Variants in RSPRY1 observed in about 807,000 individuals in gnomAD.
RSPRY1 encodes the protein RING finger and SPRY domain-containing protein 1.
A neutral mutation model predicts 73.1 loss-of-function variants in RSPRY1; 23 were observed. The observed-to-expected ratio is 0.31, with a 90% CI of 0.23 to 0.45. The LOEUF (loss-of-function observed/expected upper bound fraction) is 0.45. Ranked by LOEUF, RSPRY1 falls within the 20% of genes least tolerant of loss-of-function variation. The pLI is 1.00. For synonymous variants in RSPRY1, 226 were observed against 251.4 expected (o/e 0.90, Z 0.95); for missense variants, 448 against 698.7 (o/e 0.64, Z 4.05).
At chr16:57,200,688 G>A (rs1265263229) in intron 1 of RSPRY1, among the ~76,000 whole-genome samples, 2 of 129,622 alleles carry the variant, frequency 1.5e-5, no homozygotes, top group African/African-American at 3.0e-5. Flanking sequence ...CCTCCCGGAC[G>A]GGGCGGCTGG....
intron 1 of RSPRY1, among the ~76,000 whole-genome samples, chr16:57,196,171 T>C (rs1199504651): frequency 6.6e-6 from 1 of 152,034 alleles, no homozygotes; most frequent in African/African-American, 2.4e-5. Flanking sequence ...ATTTTGATGC[T>C]TCGTAAGATG....
intron 6 of RSPRY1, among the ~76,000 whole-genome samples, chr16:57,215,377 G>A (rs1266137527): frequency 1.3e-5 from 2 of 152,210 alleles, no homozygotes; most frequent in African/African-American, 4.8e-5. Flanking sequence ...AGCAGGGATG[G>A]TGGTTATGTG....
chr16:57,225,494 C>G (rs563396533), intron 10 of RSPRY1, among the ~76,000 whole-genome samples: 1 of 152,346 alleles, frequency 6.6e-6, no homozygotes, highest in South Asian at 2.1e-4. Flanking sequence ...ATCCAAAAAT[C>G]CAGTACAAAA....
chr16:57,227,284 C>T, intron 10 of RSPRY1, 58 bp from the exon 11 acceptor site: 1 of 1,159,308 alleles, frequency 8.6e-7, no homozygotes, highest in East Asian at 2.4e-5. Context: ...GACACACTCT[C>T]TGTTCCCAGG....
intron 10 of RSPRY1, among the ~76,000 whole-genome samples, chr16:57,223,357 TTAAAA>T (rs2075069453): frequency 6.6e-6 from 1 of 152,270 alleles, no homozygotes; most frequent in African/African-American, 2.4e-5. Flanking sequence ...TGTTAGGTCA[TTAAAA>T]TAAGCTTAAG....
In RSPRY1 at chr16:57,200,951, GGGGGGGGGGGCT is replaced by G. The variant is rs2074576228; in HGVS notation, c.-155-3551_-155-3540del. ...CTCCCAGACGGGGCGGCTGGCCGGG[GGGGGGGGGGGCT>G]GACCCCCCCACCTCCCTCCCGGACG... On this transcript the variant is annotated intron_variant, in intron 1 of 14. Transcript: ENST00000394420. Among the ~76,000 whole-genome samples, 2 of 108,178 alleles carry G rather than the reference GGGGGGGGGGGCT, an allele frequency of 1.8e-5. 1 individual carries two copies. Among genetic ancestry groups the G allele is most frequent in the Non-Finnish European group, 3.9e-5 (2 of 51,894 alleles). 71.0% of individuals were successfully genotyped at this position (108,178 alleles called of 152,430 possible). A position where few individuals can be genotyped will look rare whatever the true frequency, so the allele number is the denominator to read the frequency against.
intron 1 of RSPRY1, among the ~76,000 whole-genome samples, chr16:57,193,708 T>A (rs116308702): frequency 6.6e-6 from 1 of 152,210 alleles, no homozygotes; most frequent in African/African-American, 2.4e-5. Flanking sequence ...GTTCTCTATC[T>A]TGATAGGGTT....
chr16:57,236,579 T>C (rs2075302636), intron 14 of RSPRY1, among the ~76,000 whole-genome samples: 1 of 152,172 alleles, frequency 6.6e-6, no homozygotes, highest in Non-Finnish European at 1.5e-5. Context: ...TTATCAAAGC[T>C]ACCTTTGCCT....
At chr16:57,238,259 CTAAGTT>C (rs1428462436) in intron 14 of RSPRY1, among the ~76,000 whole-genome samples, 10 of 152,158 alleles carry the variant, frequency 6.6e-5, no homozygotes, top group African/African-American at 2.4e-4. Context: ...TCTCTAAACT[CTAAGTT>C]TAATTTGCTC....
At chr16:57,233,835 C>T (rs1465674722) in intron 13 of RSPRY1, among the ~76,000 whole-genome samples, 1 of 152,180 alleles carries the variant, frequency 6.6e-6, no homozygotes, top group African/African-American at 2.4e-5. Context: ...ACCCTCACTG[C>T]TGCTACCATG....
At chr16:57,191,245 C>T (rs1204913871) in intron 1 of RSPRY1, among the ~76,000 whole-genome samples, 1 of 152,140 alleles carries the variant, frequency 6.6e-6, no homozygotes, top group African/African-American at 2.4e-5. Flanking sequence ...TCTGCCCAGT[C>T]CCTCCACATG....
chr16:57,202,004 A>C (rs1274253291), intron 1 of RSPRY1, among the ~76,000 whole-genome samples: 1 of 152,054 alleles, frequency 6.6e-6, no homozygotes, highest in Admixed American at 6.5e-5. Flanking sequence ...CAGTTTACTC[A>C]TTTTGAAATA....
chr16:57,196,711 A>AAG (rs879815535), intron 1 of RSPRY1, among the ~76,000 whole-genome samples: 78 of 152,212 alleles, frequency 5.1e-4, no homozygotes, highest in Admixed American at 4.6e-3. Flanking sequence ...TAGTTCTGTA[A>AAG]AAGATAAATT....
At chr16:57,201,013 A>AC (rs1225680471) in intron 1 of RSPRY1, among the ~76,000 whole-genome samples, 13 of 98,314 alleles carry the variant, frequency 1.3e-4, no homozygotes, top group African/African-American at 3.2e-4. Flanking sequence ...CGGGGGGCTG[A>AC]CCCCCCCACC....
intron 1 of RSPRY1, among the ~76,000 whole-genome samples, chr16:57,200,510 A>T (rs1271151645): frequency 2.0e-5 from 3 of 147,220 alleles, no homozygotes; most frequent in African/African-American, 7.7e-5. Context: ...CACCTCCCAG[A>T]CGGGGTGGCT....
chr16:57,206,515 A>G (rs1215682503), intron 2 of RSPRY1, among the ~76,000 whole-genome samples: 1 of 152,214 alleles, frequency 6.6e-6, no homozygotes, highest in Admixed American at 6.5e-5. Flanking sequence ...ATTTAAGCTC[A>G]TTGGAAAAAT....
At chr16:57,209,217 A>G (rs1357219124) in intron 4 of RSPRY1, 30 bp downstream of exon 4, 7 of 1,389,374 alleles carry the variant, frequency 5.0e-6, no homozygotes, top group Admixed American at 3.5e-5. Flanking sequence ...TTATGAAACT[A>G]TCATTTGTGC....
chr16:57,231,172 G>T lies in RSPRY1; in HGVS notation c.1382G>T (p.Gly461Val). The T allele has an allele frequency of 9.9e-6, 16 of 1,612,334 alleles. No individual in the cohort carries two copies. The highest frequency in any genetic ancestry group is 1.4e-5 in the Non-Finnish European group (16 of 1,179,256). The stretch of plus-strand genomic sequence containing the variant: ...TGTACTCATTTTATTTGTAGATCTG[G>T]ATTTTTTGCTGCAGCTAGTTTCATG... ...EKQVFSSTVS[G>V]FFAAASFMSY... The change falls in exon 13 of 15, where the codon GGA becomes GTA. Residue 461 changes from glycine to valine, a missense_variant. By Grantham distance (109) the Gly-to-Val change is moderately radical (BLOSUM62 -3). Transcript: ENST00000394420.
chr16:57,198,190 CCTGA>C (rs1337113836), intron 1 of RSPRY1, among the ~76,000 whole-genome samples: 2 of 152,066 alleles, frequency 1.3e-5, no homozygotes, highest in Non-Finnish European at 2.9e-5. Flanking sequence ...TCGAGACTAT[CCTGA>C]CTAACACAGT....
Sources: allele counts gnomAD v4.1 joint callset (sites outside exome capture counted in the v4.1 genomes callset), GRCh38; gene constraint gnomAD v4.1.1; transcripts MANE v1.5; gene names NCBI Gene and HGNC (gene_info 2026-07-23, HGNC 2026-07-21).